STAP1: variants seen among roughly 807,000 people sequenced by gnomAD.
STAP1 encodes the protein signal transducing adaptor family member 1, also known as signal-transducing adaptor protein 1.
A neutral mutation model predicts 37.8 loss-of-function variants in STAP1; 30 were observed. The observed-to-expected ratio is 0.79, with a 90% confidence interval of 0.59 to 1.08. The LOEUF is 1.08. STAP1 is among the 50% of genes least tolerant of loss of function. The pLI is 0.00. For synonymous variants in STAP1, 130 were observed against 116.0 expected (o/e 1.12, Z -0.78); for missense variants, 357 against 349.4 (o/e 1.02, Z -0.17).
At chr4:67,599,032 T>C (rs1232791847) in intron 8 of STAP1, among the ~76,000 whole-genome samples, 1 of 152,214 alleles carries the variant, frequency 6.6e-6, no homozygotes, top group Non-Finnish European at 1.5e-5. Flanking sequence ...GATTTACATA[T>C]GTTGAGTCAT....
chr4:67,583,742 C>T (rs1234409139), intron 6 of STAP1, 40 bp downstream of exon 6: 9 of 1,588,592 alleles, frequency 5.7e-6, no homozygotes, highest in Middle Eastern at 1.9e-4. Flanking sequence ...TTTTTAAAAG[C>T]GTGGTATCAC....
At chr4:67,559,042 T>C in intron 1 of STAP1, 113 bp downstream of exon 1, 1 of 1,107,702 alleles carries the variant, frequency 9.0e-7, no homozygotes, top group Non-Finnish European at 1.2e-6. Flanking sequence ...TTAAATCATC[T>C]TCTCTTCTTT....
rs1578017367 is a variant in STAP1 at position 67,558,732 on chromosome 4, G to A, written c.-78G>A. The A allele has an allele frequency of 1.9e-6, 3 of 1,551,848 alleles. No homozygotes were observed. Among genetic ancestry groups the A allele is most frequent in the Admixed American group, 4.0e-5 (2 of 49,748 alleles). Reference sequence around the variant, plus strand: ...CAATTTGGGACTTCCTCTTTGAACAGTTGCCTTTTCCTCTCACAGAAGGAA... The same window carrying A: ...CAATTTGGGACTTCCTCTTTGAACAATTGCCTTTTCCTCTCACAGAAGGAA... On this transcript the variant is annotated 5_prime_UTR_variant, in exon 1 of 9. Transcript: ENST00000265404.
chr4:67,577,651 C>CTTTTTTTT (rs71219058), intron 4 of STAP1, among the ~76,000 whole-genome samples: 3 of 91,578 alleles, frequency 3.3e-5, no homozygotes, highest in African/African-American at 1.1e-4. Flanking sequence ...TTCTTTCTTT[C>CTTTTTTTT]TTTTTTTTTT....
intron 7 of STAP1, 50 bp from the exon 8 acceptor site, chr4:67,593,210 T>G: frequency 1.5e-6 from 2 of 1,347,698 alleles, no homozygotes; most frequent in Non-Finnish European, 1.0e-6. Context: ...TCTCTTACTC[T>G]ATACTTATGC....
In STAP1 at chr4:67,575,379, T is replaced by G; in HGVS notation, c.193-6T>G. On this transcript the variant is annotated splice_region_variant and splice_polypyrimidine_tract_variant and intron_variant, in intron 2 of 8. Coordinates refer to ENST00000265404, the MANE Select transcript of STAP1 (RefSeq NM_012108.4). Reference sequence around the variant, plus strand: ...AATGTAATGTGATCTTCCTTTATCTTTGCAGTATGTTGACAAATTAGACAT... The same window carrying G: ...AATGTAATGTGATCTTCCTTTATCTGTGCAGTATGTTGACAAATTAGACAT... 6 of 1,561,050 alleles carry G rather than the reference T, an allele frequency of 3.8e-6. No individual in the cohort carries two copies. The highest frequency in any genetic ancestry group is 5.2e-6 in the Non-Finnish European group (6 of 1,154,628).
At chr4:67,574,115 T>C (rs1274012396) in intron 2 of STAP1, among the ~76,000 whole-genome samples, 1 of 152,100 alleles carries the variant, frequency 6.6e-6, no homozygotes, top group Non-Finnish European at 1.5e-5. Flanking sequence ...AGTATGAATA[T>C]ATATATACAT....
rs184960041 is a variant in STAP1 at position 67,578,880 on chromosome 4, G to A, written c.363+1621G>A. ...GTCTCACTCTATCACCCAGGCTGGA[G>A]TGCAGTGGTGCAATCTTGGCTCACT... On this transcript the variant is annotated intron_variant, in intron 4 of 8. Transcript: ENST00000265404. Among the ~76,000 whole-genome samples the A allele has an allele frequency of 1.2e-3, 178 of 149,284 alleles. 2 individuals carry two copies. The highest frequency in any genetic ancestry group is 0.01 in the Middle Eastern group (3 of 288).
chr4:67,573,976 A>G (rs1727663212), intron 2 of STAP1, among the ~76,000 whole-genome samples: 1 of 152,164 alleles, frequency 6.6e-6, no homozygotes, highest in Non-Finnish European at 1.5e-5. Flanking sequence ...CCCGTTGCAT[A>G]TAGAGAGTGG....
At chr4:67,572,586 GT>G (rs1727630536) in intron 2 of STAP1, among the ~76,000 whole-genome samples, 1 of 152,176 alleles carries the variant, frequency 6.6e-6, no homozygotes, top group Admixed American at 6.5e-5. Context: ...GTGTTGGGTG[GT>G]GAAGGAATAA....
Position 67,607,061 on chromosome 4 carries a change from G to C in STAP1, c.*704G>C, listed in dbSNP as rs1728465498. 1 of 152,098 alleles carries C rather than the reference G, an allele frequency of 6.6e-6. No individual in the cohort carries two copies. Among genetic ancestry groups the C allele is most frequent in the Non-Finnish European group, 1.5e-5 (1 of 68,010 alleles). The allele number at this position is 152,098 out of a possible 1,614,324, so 9.4% of individuals were successfully genotyped here. A position where few individuals can be genotyped will look rare whatever the true frequency, so the allele number is the denominator to read the frequency against. ...CCATCAGCCCCAGACTGCATCTACT[G>C]AATCAAAATAACAGGGATATTTTTT... On this transcript the variant is annotated 3_prime_UTR_variant, in exon 9 of 9. Coordinates refer to ENST00000265404, the MANE Select transcript of STAP1 (RefSeq NM_012108.4).
chr4:67,588,739 C>T (rs896976327), intron 6 of STAP1, among the ~76,000 whole-genome samples: 1 of 152,092 alleles, frequency 6.6e-6, no homozygotes, highest in Non-Finnish European at 1.5e-5. Context: ...CAACAACAAT[C>T]GTTGTTCTCC....
chr4:67,558,768 T>C lies in STAP1; in HGVS notation c.-42T>C. The C allele has an allele frequency of 6.3e-7, 1 of 1,582,532 alleles. No individual in the cohort carries two copies. Among genetic ancestry groups the C allele is most frequent in the South Asian group, 1.2e-5 (1 of 86,244 alleles). ...CTCTCACAGAAGGAAGATTTCATTT[T>C]GTTTGAGACGAGAAACCAAACCACA... On this transcript the variant is annotated 5_prime_UTR_variant, in exon 1 of 9. Coordinates refer to ENST00000265404, the MANE Select transcript of STAP1 (RefSeq NM_012108.4).
chr4:67,598,346 G>T (rs1382617197), intron 8 of STAP1, among the ~76,000 whole-genome samples: 1 of 152,018 alleles, frequency 6.6e-6, no homozygotes, highest in African/African-American at 2.4e-5. Flanking sequence ...TTTTTTTAAG[G>T]AGCCTTCATC....
chr4:67,586,192 C>T (rs1727975960), intron 6 of STAP1, among the ~76,000 whole-genome samples: 1 of 152,170 alleles, frequency 6.6e-6, no homozygotes, highest in Non-Finnish European at 1.5e-5. Flanking sequence ...GGCACGGTGG[C>T]TCACACCTGT....
intron 8 of STAP1, among the ~76,000 whole-genome samples, chr4:67,605,067 G>T (rs1404882413): frequency 6.6e-6 from 1 of 152,082 alleles, no homozygotes; most frequent in Non-Finnish European, 1.5e-5. Flanking sequence ...ACCTCTCTGG[G>T]ATTTCTCCAT....
chr4:67,584,510 C>G (rs550740606), intron 6 of STAP1, among the ~76,000 whole-genome samples: 1 of 152,144 alleles, frequency 6.6e-6, no homozygotes, highest in East Asian at 1.9e-4. Flanking sequence ...GAGATGGGAA[C>G]CCTCAGAGGT....
intron 4 of STAP1, among the ~76,000 whole-genome samples, chr4:67,578,603 C>G (rs932250764): frequency 4.6e-5 from 7 of 152,078 alleles, no homozygotes; most frequent in African/African-American, 1.7e-4. Flanking sequence ...TATGGTGCTT[C>G]CAATACCGGG....
intron 1 of STAP1, among the ~76,000 whole-genome samples, chr4:67,565,401 T>C (rs931167650): frequency 6.6e-6 from 1 of 152,186 alleles, no homozygotes; most frequent in African/African-American, 2.4e-5. Flanking sequence ...AGAAAATATT[T>C]CCTCCTTCTC....
Sources: gnomAD v4.1 joint callset for allele counts (sites outside exome capture counted in the v4.1 genomes callset) on GRCh38, gnomAD v4.1.1 for gene constraint, MANE v1.5 for transcripts, NCBI Gene and HGNC (gene_info 2026-07-23, HGNC 2026-07-21) for gene names.